MBD5: variants seen among roughly 807,000 people sequenced by gnomAD.
The protein encoded by MBD5 is methyl-CpG binding domain protein 5.
A neutral mutation model predicts 117.3 loss-of-function variants in MBD5; 13 were observed. The observed-to-expected ratio is 0.11, with a 90% CI of 0.07 to 0.18. MBD5 has a LOEUF of 0.18. MBD5 is among the 10% of genes least tolerant of loss of function. The pLI is 1.00. For synonymous variants in MBD5, 727 were observed against 766.4 expected (o/e 0.95, Z 0.85); for missense variants, 1,879 against 2,093.8 (o/e 0.90, Z 2.00).
chr2:148,128,984 C>T (rs889833894), intron 1 of MBD5, among the ~76,000 whole-genome samples: 6 of 152,178 alleles, frequency 3.9e-5, no homozygotes, highest in Non-Finnish European at 5.9e-5. Context: ...AAGGTGTGAT[C>T]GCTAAGAGTT....
intron 3 of MBD5, among the ~76,000 whole-genome samples, chr2:148,240,162 C>T (rs562582124): frequency 1.4e-4 from 21 of 152,178 alleles, no homozygotes; most frequent in South Asian, 6.2e-4. Context: ...CAAACTATCG[C>T]GAGGACAGAA....
intron 3 of MBD5, among the ~76,000 whole-genome samples, chr2:148,329,932 C>A (rs1702588164): frequency 6.6e-6 from 1 of 151,608 alleles, no homozygotes; most frequent in African/African-American, 2.4e-5. Context: ...TTTGAGTTTA[C>A]CAAATATTTT....
At chr2:148,203,517 C>T (rs1464904577) in intron 2 of MBD5, among the ~76,000 whole-genome samples, 2 of 152,082 alleles carry the variant, frequency 1.3e-5, no homozygotes, top group Non-Finnish European at 2.9e-5. Flanking sequence ...TCTTCTGTTG[C>T]TCATGACAGA....
intron 2 of MBD5, among the ~76,000 whole-genome samples, chr2:148,223,838 CT>C (rs1250540261): frequency 3.3e-5 from 5 of 151,816 alleles, no homozygotes; most frequent in Non-Finnish European, 7.4e-5. Context: ...AGTTTTTCTT[CT>C]TTTTTCATGT....
Position 148,256,736 on chromosome 2 carries a change from G to A in MBD5, c.-680+23341G>A, listed in dbSNP as rs146375132. ...ACCCATCTGTGTACCATGGCCTATC[G>A]AGAATGGGGGGACACCCTCCCTTAA... On this transcript the variant is annotated intron_variant, in intron 3 of 13. Coordinates refer to ENST00000642680, the MANE Select transcript of MBD5 (RefSeq NM_001378120.1). Among the ~76,000 whole-genome samples, 543 of 152,350 alleles carry A rather than the reference G, an allele frequency of 3.6e-3. 2 individuals carry two copies. Among genetic ancestry groups the A allele is most frequent in the African/African-American group, 0.012 (505 of 41,582 alleles).
intron 1 of MBD5, among the ~76,000 whole-genome samples, chr2:148,090,381 T>A (rs1268988739): frequency 6.6e-6 from 1 of 151,426 alleles, no homozygotes; most frequent in Non-Finnish European, 1.5e-5. Flanking sequence ...GGAAAGGACA[T>A]AACAAAAAAA....
intron 4 of MBD5, among the ~76,000 whole-genome samples, chr2:148,419,853 G>A (rs1479808296): frequency 6.6e-6 from 1 of 151,986 alleles, no homozygotes; most frequent in Non-Finnish European, 1.5e-5. Flanking sequence ...CCATATAAGA[G>A]TTATTTATTT....
chr2:148,101,851 G>C (rs537623744), intron 1 of MBD5, among the ~76,000 whole-genome samples: 1 of 152,186 alleles, frequency 6.6e-6, no homozygotes, highest in East Asian at 1.9e-4. Flanking sequence ...TGATATTCTT[G>C]TGCATAGAAT....
chr2:148,253,384 A>C (rs1412157554), intron 3 of MBD5, among the ~76,000 whole-genome samples: 2 of 152,206 alleles, frequency 1.3e-5, no homozygotes, highest in African/African-American at 2.4e-5. Flanking sequence ...ATCAAGTATG[A>C]TAATGGAGAC....
In MBD5 at chr2:148,516,506, T is replaced by A. The variant is rs979800056; in HGVS notation, c.*3565T>A. 2 of 152,212 alleles carry A rather than the reference T, an allele frequency of 1.3e-5. No individual in the cohort carries two copies. Among genetic ancestry groups the A allele is most frequent in the African/African-American group, 4.8e-5 (2 of 41,454 alleles). 9.4% of individuals were successfully genotyped at this position (152,212 alleles called of 1,614,324 possible). On this transcript the variant is annotated 3_prime_UTR_variant, in exon 14 of 14. Coordinates refer to ENST00000642680, the MANE Select transcript of MBD5 (RefSeq NM_001378120.1). ...ACAAAAATTATCAACCAGCCAGAAC[T>A]GTAATATTTAATTAGTTCATCTTTT...
At chr2:148,432,730 C>T (rs919614076) in intron 4 of MBD5, among the ~76,000 whole-genome samples, 1 of 152,102 alleles carries the variant, frequency 6.6e-6, no homozygotes. Context: ...GTCTATGTGT[C>T]TGTCTTGGTA....
At chr2:148,449,604 A>G (rs1287200826) in intron 4 of MBD5, among the ~76,000 whole-genome samples, 1 of 151,886 alleles carries the variant, frequency 6.6e-6, no homozygotes, top group Non-Finnish European at 1.5e-5. Context: ...AAAAGTGGGC[A>G]TGACACCCAG....
At chr2:148,309,151 C>T (rs1342874495) in intron 3 of MBD5, among the ~76,000 whole-genome samples, 2 of 152,088 alleles carry the variant, frequency 1.3e-5, no homozygotes, top group East Asian at 3.9e-4. Flanking sequence ...TTTTTTGGTT[C>T]CACATGAAAT....
At chr2:148,507,576 G>A (rs1204575597) in intron 12 of MBD5, among the ~76,000 whole-genome samples, 3 of 151,080 alleles carry the variant, frequency 2.0e-5, no homozygotes, top group East Asian at 2.0e-4. Context: ...TGGCTAACAC[G>A]GTGAAACCCC....
rs184686949 is a variant in MBD5 at position 148,229,075 on chromosome 2, G to T, written c.-830-4170G>T. Among the ~76,000 whole-genome samples, 137 of 151,824 alleles carry T rather than the reference G, an allele frequency of 9.0e-4. 2 individuals carry two copies. The highest frequency in any genetic ancestry group is 1.5e-3 in the Non-Finnish European group (100 of 67,890). ...CAAAAAACCAGCTCCTGGATTCATT[G>T]ATTTTTTTGAAGGGTTTTTTTGTCT... On this transcript the variant is annotated intron_variant, in intron 2 of 13. Coordinates refer to ENST00000642680, the MANE Select transcript of MBD5 (RefSeq NM_001378120.1).
chr2:148,361,903 C>G (rs965780022), intron 4 of MBD5, among the ~76,000 whole-genome samples: 1 of 152,204 alleles, frequency 6.6e-6, no homozygotes, highest in African/African-American at 2.4e-5. Flanking sequence ...ACTCCCTCCC[C>G]TAGCCAAGGG....
intron 11 of MBD5, among the ~76,000 whole-genome samples, chr2:148,497,902 C>G (rs1239203153): frequency 6.6e-6 from 1 of 152,102 alleles, no homozygotes; most frequent in Non-Finnish European, 1.5e-5. Context: ...AAAGCACCTT[C>G]ATGTTCGTGG....
chr2:148,347,535 C>T (rs1272396600), intron 4 of MBD5: 2 of 151,916 alleles, frequency 1.3e-5, no homozygotes, highest in Admixed American at 6.6e-5. Flanking sequence ...ATTCCCTGAG[C>T]AAGTAAGCCC....
In MBD5 at chr2:148,453,540, G is replaced by A. The variant is rs1414940992; in HGVS notation, c.-556-4663G>A. On this transcript the variant is annotated intron_variant, in intron 4 of 13. Transcript: ENST00000642680. ...GATCCTGAGTCTTAGTAAGATGGAGGTACCTTCATATCACAAAATCTTTAA... is the reference window on the plus strand; with the variant it reads ...GATCCTGAGTCTTAGTAAGATGGAGATACCTTCATATCACAAAATCTTTAA... 5.9e-5 allele frequency among the ~76,000 whole-genome samples: 9 copies of A among 151,918 alleles called. No homozygotes were observed. In the East Asian group the frequency reaches 1.5e-3, roughly 26 times the overall value.
Sources: allele counts gnomAD v4.1 joint callset (sites outside exome capture counted in the v4.1 genomes callset), GRCh38; gene constraint gnomAD v4.1.1; transcripts MANE v1.5; gene names NCBI Gene and HGNC (gene_info 2026-07-23, HGNC 2026-07-21).